Variants in CNTN4 observed in about 807,000 individuals in gnomAD.
CNTN4 encodes contactin-4.
In CNTN4, 77 loss-of-function variants were observed where a neutral mutation model predicts 122.5. The observed-to-expected ratio is 0.63, with a 90% CI of 0.52 to 0.76. The LOEUF (loss-of-function observed/expected upper bound fraction) is 0.76. Ranked by LOEUF, CNTN4 falls within the 30% of genes least tolerant of loss-of-function variation. The probability of loss-of-function intolerance (pLI) is 0.00; values close to 1 mark genes in which losing one functional copy is unlikely to be tolerated. For missense variants in CNTN4, 1,256 were observed against 1,259.1 expected (o/e 1.00, Z 0.04); for synonymous variants, 512 against 447.0 (o/e 1.15, Z -1.83).
chr3:2,496,324 A>C (rs2151707392), intron 3 of CNTN4, among the ~76,000 whole-genome samples: 1 of 152,232 alleles, frequency 6.6e-6, no homozygotes, highest in Middle Eastern at 3.4e-3. Flanking sequence ...GGACATTTTT[A>C]GATATGTCAG....
At chr3:2,379,562 T>A (rs1274354166) in intron 3 of CNTN4, among the ~76,000 whole-genome samples, 1 of 152,218 alleles carries the variant, frequency 6.6e-6, no homozygotes, top group Non-Finnish European at 1.5e-5. Flanking sequence ...AAATTGTTAT[T>A]TATGAGCATT....
intron 3 of CNTN4, among the ~76,000 whole-genome samples, chr3:2,340,899 G>A (rs1440717510): frequency 6.6e-6 from 1 of 151,840 alleles, no homozygotes; most frequent in Non-Finnish European, 1.5e-5. Context: ...TTTGGGATCA[G>A]CTGCTTGGGT....
chr3:2,835,281 A>G (rs1464340955), intron 7 of CNTN4, among the ~76,000 whole-genome samples: 1 of 152,158 alleles, frequency 6.6e-6, no homozygotes, highest in Non-Finnish European at 1.5e-5. Flanking sequence ...AAACACCATG[A>G]AACATAGAGT....
At chr3:2,354,101 G>C (rs562568714) in intron 3 of CNTN4, among the ~76,000 whole-genome samples, 2 of 152,290 alleles carry the variant, frequency 1.3e-5, no homozygotes, top group South Asian at 4.1e-4. Flanking sequence ...TTAAAAACAC[G>C]TAAGTTCAGA....
intron 2 of CNTN4, among the ~76,000 whole-genome samples, chr3:2,191,841 T>TTTACA (rs1281133443): frequency 2.0e-5 from 3 of 152,070 alleles, no homozygotes; most frequent in African/African-American, 4.8e-5. Flanking sequence ...TAACTTGTCA[T>TTTACA]TTACATTAGG....
intron 14 of CNTN4, among the ~76,000 whole-genome samples, chr3:3,005,889 T>TTTC (rs1017038563): frequency 6.0e-5 from 9 of 149,372 alleles, no homozygotes; most frequent in Non-Finnish European, 1.2e-4. Context: ...TGTGTAGAAT[T>TTTC]TTTTTTTTTT....
intron 3 of CNTN4, among the ~76,000 whole-genome samples, chr3:2,549,841 G>T (rs567144018): frequency 6.6e-6 from 1 of 152,058 alleles, no homozygotes; most frequent in Non-Finnish European, 1.5e-5. Context: ...GGCTTCTTTT[G>T]GTTGGTAGGC....
chr3:2,840,680 C>G (rs964492445), intron 7 of CNTN4, among the ~76,000 whole-genome samples: 15 of 149,486 alleles, frequency 1.0e-4, no homozygotes, highest in African/African-American at 3.7e-4. Context: ...GCCTGGGCGA[C>G]AGAGCGACAC....
Position 2,720,380 on chromosome 3 carries a change from AT to A in CNTN4, c.56-15833del, listed in dbSNP as rs142488520. 5.6e-3 allele frequency among the ~76,000 whole-genome samples: 848 copies of A among 152,264 alleles called. 7 individuals carry two copies. Among genetic ancestry groups the A allele is most frequent in the African/African-American group, 0.019 (808 of 41,556 alleles). On this transcript the variant is annotated intron_variant, in intron 4 of 24. Transcript: ENST00000418658. The stretch of plus-strand genomic sequence containing the variant: ...GTGGCTTTCTTTTATAGTCTAAACT[AT>A]TCTGAGCCTGAACATTGAGCATAAC...
chr3:2,148,395 C>T (rs1384849427), intron 2 of CNTN4, among the ~76,000 whole-genome samples: 2 of 151,694 alleles, frequency 1.3e-5, no homozygotes, highest in Non-Finnish European at 2.9e-5. Context: ...AAAAATTAGC[C>T]TTGGTGGTGT....
chr3:2,103,932 G>C (rs2032209847), intron 2 of CNTN4, among the ~76,000 whole-genome samples: 1 of 152,140 alleles, frequency 6.6e-6, no homozygotes, highest in Non-Finnish European at 1.5e-5. Flanking sequence ...GAAATGTGTA[G>C]TGGTCAATAG....
intron 3 of CNTN4, among the ~76,000 whole-genome samples, chr3:2,411,075 A>T (rs193037123): frequency 1.4e-4 from 22 of 152,324 alleles, no homozygotes; most frequent in Admixed American, 1.3e-3. Flanking sequence ...GTTATTATGT[A>T]GTTTACTTAC....
intron 7 of CNTN4, among the ~76,000 whole-genome samples, chr3:2,843,990 G>A (rs1435183894): frequency 6.6e-6 from 1 of 151,984 alleles, no homozygotes; most frequent in African/African-American, 2.4e-5. Flanking sequence ...CCATAAACTG[G>A]CCCCTGGCCA....
chr3:2,238,069 G>GA (rs71056401), intron 2 of CNTN4, among the ~76,000 whole-genome samples: 18 of 146,628 alleles, frequency 1.2e-4, no homozygotes, highest in East Asian at 4.0e-4. Flanking sequence ...ATTGACTAAA[G>GA]AAAAAAAAAA....
At chr3:2,513,692 A>T (rs2076957158) in intron 3 of CNTN4, among the ~76,000 whole-genome samples, 1 of 152,190 alleles carries the variant, frequency 6.6e-6, no homozygotes, top group Admixed American at 6.5e-5. Flanking sequence ...GGTATTTGCA[A>T]GATTTGTAGT....
intron 7 of CNTN4, among the ~76,000 whole-genome samples, chr3:2,830,296 C>CA (rs1051154342): frequency 1.4e-4 from 22 of 151,738 alleles, no homozygotes; most frequent in Non-Finnish European, 2.9e-4. Flanking sequence ...TTTAAACATC[C>CA]AAAAAAAATT....
chr3:2,224,218 A>G (rs2039175584), intron 2 of CNTN4, among the ~76,000 whole-genome samples: 1 of 152,172 alleles, frequency 6.6e-6, no homozygotes, highest in Non-Finnish European at 1.5e-5. Flanking sequence ...AGGGTGGCAC[A>G]TTCTGGTCTT....
At position 2,122,551 on chromosome 3, in the gene CNTN4, T is replaced by C. The variant is rs529940880; in HGVS notation, c.-145+21912T>C. Among the ~76,000 whole-genome samples, 9 of 152,336 alleles carry C rather than the reference T, an allele frequency of 5.9e-5. No individual in the cohort carries two copies. The South Asian group carries it at 1.0e-3, about 18-fold the overall frequency. On this transcript the variant is annotated intron_variant, in intron 2 of 24. Coordinates refer to ENST00000418658, the MANE Select transcript of CNTN4 (RefSeq NM_175607.3). ...AAGAATTTATGTTCTTTACAGACTC[T>C]TGCTATGATAAACAATATCTTTGTA...
intron 2 of CNTN4, among the ~76,000 whole-genome samples, chr3:2,256,243 A>C (rs938493240): frequency 1.3e-5 from 2 of 152,220 alleles, no homozygotes; most frequent in African/African-American, 4.8e-5. Flanking sequence ...TAAACCAGGA[A>C]GAAGTCAAAT....
Sources: gnomAD v4.1 joint callset for allele counts (sites outside exome capture counted in the v4.1 genomes callset) on GRCh38, gnomAD v4.1.1 for gene constraint, MANE v1.5 for transcripts, NCBI Gene and HGNC (gene_info 2026-07-23, HGNC 2026-07-21) for gene names.